PTGER3: variants seen among roughly 807,000 people sequenced by gnomAD.
PTGER3 encodes the protein prostaglandin E receptor 3.
In PTGER3, 22 loss-of-function variants were observed where a neutral mutation model predicts 34.7. That is an observed-to-expected ratio of 0.63 (90% CI 0.45 to 0.91). The LOEUF is 0.91. PTGER3 is among the 40% of genes least tolerant of loss of function. The probability of loss-of-function intolerance (pLI) is 0.00; values close to 1 mark genes in which losing one functional copy is unlikely to be tolerated. For synonymous variants in PTGER3, 241 were observed against 230.1 expected (o/e 1.05, Z -0.43); for missense variants, 468 against 519.4 (o/e 0.90, Z 0.96).
At chr1:70,924,558 C>G (rs1188943724) in intron 4 of PTGER3, among the ~76,000 whole-genome samples, 2 of 152,138 alleles carry the variant, frequency 1.3e-5, no homozygotes, top group Non-Finnish European at 2.9e-5. Context: ...AATCAGCTAA[C>G]AGTCCCATAT....
At chr1:71,031,384 C>A (rs777984879) in intron 1 of PTGER3, among the ~76,000 whole-genome samples, 8 of 151,888 alleles carry the variant, frequency 5.3e-5, no homozygotes, top group Non-Finnish European at 1.2e-4. Flanking sequence ...GAACCCCCAC[C>A]TTTTATTATT....
At chr1:70,886,271 C>A (rs1365452865) in intron 4 of PTGER3, 2 of 449,138 alleles carry the variant, frequency 4.5e-6, no homozygotes, top group Admixed American at 4.8e-5. Context: ...AAAAAGAGGG[C>A]ACTCACCAGA....
chr1:70,924,970 C>A (rs1557659057), intron 4 of PTGER3, among the ~76,000 whole-genome samples: 1 of 152,138 alleles, frequency 6.6e-6, no homozygotes, highest in Non-Finnish European at 1.5e-5. Flanking sequence ...TCTGTTTTAA[C>A]CTAACCTTAT....
intron 2 of PTGER3, among the ~76,000 whole-genome samples, chr1:71,004,836 T>C (rs1280841107): frequency 2.0e-5 from 3 of 152,242 alleles, no homozygotes; most frequent in Admixed American, 2.0e-4. Context: ...GGCATTGTTG[T>C]AGTGGCAGCA....
intron 4 of PTGER3, chr1:70,865,772 C>T (rs41287920): frequency 0.013 from 17,640 of 1,367,032 alleles, 138 homozygotes; most frequent in Non-Finnish European, 0.015. Flanking sequence ...CAAGAACCAA[C>T]GGAAGGGCTG....
intron 4 of PTGER3, among the ~76,000 whole-genome samples, chr1:70,877,565 C>T (rs1351256187): frequency 1.3e-5 from 2 of 152,052 alleles, no homozygotes; most frequent in Non-Finnish European, 2.9e-5. Context: ...GCTTTTGCCC[C>T]TTGAATATGG....
intron 4 of PTGER3, among the ~76,000 whole-genome samples, chr1:70,856,440 C>CAAA (rs34715178): frequency 4.8e-5 from 4 of 82,908 alleles, no homozygotes; most frequent in Non-Finnish European, 9.1e-5. Context: ...AACTTCATCT[C>CAAA]AAAAAAAAAA....
chr1:70,886,211 GT>G, intron 4 of PTGER3: 1 of 392,006 alleles, frequency 2.6e-6, no homozygotes, highest in Non-Finnish European at 5.2e-6. Context: ...TCCCTTCTCT[GT>G]TTTCTCCACC....
intron 4 of PTGER3, among the ~76,000 whole-genome samples, chr1:70,897,082 C>T (rs1335934449): frequency 1.3e-5 from 2 of 152,072 alleles, no homozygotes; most frequent in Non-Finnish European, 2.9e-5. Context: ...CTGTGGAATG[C>T]CTCTTCCTTT....
chr1:70,952,531 A>G, exon 4 of PTGER3: 1 of 990,646 alleles, frequency 1.0e-6, no homozygotes, highest in Middle Eastern at 5.2e-4. Context: ...ATCAAATTCT[A>G]CAAACACCCT....
intron 2 of PTGER3, chr1:71,005,816 T>C: frequency 3.2e-6 from 3 of 947,686 alleles, no homozygotes; most frequent in Non-Finnish European, 3.8e-6. Flanking sequence ...TTTACCAGCA[T>C]GATGGTGGAA....
intron 4 of PTGER3, among the ~76,000 whole-genome samples, chr1:70,896,522 C>T (rs1646724607): frequency 6.6e-6 from 1 of 152,240 alleles, no homozygotes; most frequent in Non-Finnish European, 1.5e-5. Flanking sequence ...CTCAAACTTA[C>T]AGCCTCTGGA....
intron 2 of PTGER3, among the ~76,000 whole-genome samples, chr1:70,983,278 T>C (rs934802168): frequency 4.8e-5 from 5 of 104,386 alleles, no homozygotes; most frequent in Admixed American, 3.6e-4. Context: ...GTTTTTTAAT[T>C]AATCTGAAAA....
intron 2 of PTGER3, among the ~76,000 whole-genome samples, chr1:70,979,954 C>T (rs921264455): frequency 6.6e-6 from 1 of 152,050 alleles, no homozygotes; most frequent in Admixed American, 6.5e-5. Context: ...AGATAATAGA[C>T]CTTAAATGCA....
chr1:71,022,129 A>C (rs2300176), intron 1 of PTGER3, among the ~76,000 whole-genome samples: 1 of 151,712 alleles, frequency 6.6e-6, no homozygotes, highest in South Asian at 2.1e-4. Context: ...TACAATACAC[A>C]TGCTATTTTT....
chr1:70,991,204 T>A (rs1173372474), intron 2 of PTGER3, among the ~76,000 whole-genome samples: 1 of 152,154 alleles, frequency 6.6e-6, no homozygotes, highest in African/African-American at 2.4e-5. Flanking sequence ...GGCTTGGCCC[T>A]ACCCTCACAC....
intron 4 of PTGER3, among the ~76,000 whole-genome samples, chr1:70,904,595 G>T (rs1646906995): frequency 6.6e-6 from 1 of 152,172 alleles, no homozygotes. Flanking sequence ...AAAGAGACTG[G>T]CTACATTTTT....
intron 2 of PTGER3, among the ~76,000 whole-genome samples, chr1:70,962,368 C>T (rs1652019198): frequency 6.6e-6 from 1 of 152,132 alleles, no homozygotes; most frequent in Admixed American, 6.6e-5. Flanking sequence ...ACTCTGCGTG[C>T]TTTGATTCTA....
At chr1:70,931,394 A>G (rs1156445210) in intron 4 of PTGER3, among the ~76,000 whole-genome samples, 1 of 151,660 alleles carries the variant, frequency 6.6e-6, no homozygotes, top group East Asian at 1.9e-4. Flanking sequence ...TCTTCTCACA[A>G]CTCCACTCGG....
Sources: allele counts gnomAD v4.1 joint callset (sites outside exome capture counted in the v4.1 genomes callset), GRCh38; gene constraint gnomAD v4.1.1; transcripts MANE v1.5; gene names NCBI Gene and HGNC (gene_info 2026-07-23, HGNC 2026-07-21).